Variants in HS6ST3 observed in about 807,000 individuals in gnomAD.
HS6ST3 encodes the protein heparan sulfate 6-O-sulfotransferase 3, also known as heparan-sulfate 6-O-sulfotransferase 3.
In HS6ST3, 12 loss-of-function variants were observed where a neutral mutation model predicts 36.7. The observed-to-expected ratio is 0.33, with a 90% CI of 0.21 to 0.53. HS6ST3 has a LOEUF of 0.53. Ranked by LOEUF, HS6ST3 falls within the 20% of genes least tolerant of loss-of-function variation. The pLI, the probability that HS6ST3 is intolerant of heterozygous loss-of-function variation, is 0.95. For synonymous variants in HS6ST3, 240 were observed against 257.5 expected, an observed-to-expected ratio of 0.93 and a Z score of 0.65; for missense variants, 584 against 640.9, an observed-to-expected ratio of 0.91 and a Z score of 0.96.
chr13:96,702,116 G>A (rs80128117), intron 1 of HS6ST3, among the ~76,000 whole-genome samples: 3,735 of 152,312 alleles, frequency 0.025, 58 homozygotes, highest in Middle Eastern at 0.041. Flanking sequence ...AAGATGGACC[G>A]TATCGATGGA....
rs867506515 is a variant in HS6ST3, at chr13:96,330,057, A to G, written c.707+238488A>G. Among the ~76,000 whole-genome samples, 20 of 147,104 alleles carry G rather than the reference A, an allele frequency of 1.4e-4. 1 individual carries two copies. The highest frequency in any genetic ancestry group is 1.1e-3 in the South Asian group (5 of 4,434). ...TTGGTAGATCTTCCACCATCCTTTT[A>G]TTTTGAGCCTATGTGTGTCTCTGCA... On this transcript the variant is annotated intron_variant, in intron 1 of 1. Coordinates refer to ENST00000376705, the MANE Select transcript of HS6ST3 (RefSeq NM_153456.4).
At chr13:96,512,001 G>A (rs936341621) in intron 1 of HS6ST3, among the ~76,000 whole-genome samples, 2 of 151,994 alleles carry the variant, frequency 1.3e-5, no homozygotes, top group African/African-American at 2.4e-5. Flanking sequence ...CAACTTTATC[G>A]TATATGTATG....
At chr13:96,265,183 CT>C (rs111305152) in intron 1 of HS6ST3, among the ~76,000 whole-genome samples, 7 of 149,648 alleles carry the variant, frequency 4.7e-5, no homozygotes, top group Admixed American at 6.7e-5. Flanking sequence ...TATGCACACA[CT>C]TTTTTTTTTC....
At chr13:96,738,224 G>A (rs747813156) in intron 1 of HS6ST3, among the ~76,000 whole-genome samples, 1 of 152,152 alleles carries the variant, frequency 6.6e-6, no homozygotes, top group Non-Finnish European at 1.5e-5. Flanking sequence ...CGTTACCGAA[G>A]GCTGATGTAA....
At chr13:96,110,625 A>G (rs1041504449) in intron 1 of HS6ST3, among the ~76,000 whole-genome samples, 6 of 151,726 alleles carry the variant, frequency 4.0e-5, no homozygotes, top group Middle Eastern at 3.2e-3. Context: ...TTTAGTAGAG[A>G]TGGGGTTTCA....
intron 1 of HS6ST3, among the ~76,000 whole-genome samples, chr13:96,444,757 G>A (rs913315440): frequency 3.9e-5 from 6 of 152,166 alleles, no homozygotes; most frequent in African/African-American, 1.4e-4. Context: ...TATAAAACAG[G>A]TATTGTTACT....
intron 1 of HS6ST3, among the ~76,000 whole-genome samples, chr13:96,609,762 T>C (rs918729653): frequency 1.3e-5 from 2 of 152,212 alleles, no homozygotes; most frequent in Non-Finnish European, 2.9e-5. Flanking sequence ...TATGAAAAAT[T>C]ACCTGTATTT....
At chr13:96,653,227 T>G (rs976687151) in intron 1 of HS6ST3, among the ~76,000 whole-genome samples, 1 of 152,140 alleles carries the variant, frequency 6.6e-6, no homozygotes, top group Non-Finnish European at 1.5e-5. Context: ...TTTATTTTTA[T>G]ACTTTAAGTT....
At chr13:96,235,425 A>T (rs2054529649) in intron 1 of HS6ST3, among the ~76,000 whole-genome samples, 1 of 152,162 alleles carries the variant, frequency 6.6e-6, no homozygotes, top group Admixed American at 6.5e-5. Context: ...TTTTTTATCA[A>T]AGCGGAATGC....
intron 1 of HS6ST3, among the ~76,000 whole-genome samples, chr13:96,278,985 G>A (rs2054761741): frequency 6.6e-6 from 1 of 152,088 alleles, no homozygotes; most frequent in South Asian, 2.1e-4. Flanking sequence ...CCAACACTGT[G>A]TCAGCCCTCA....
chr13:96,459,188 T>C (rs1566367006), intron 1 of HS6ST3, among the ~76,000 whole-genome samples: 1 of 150,128 alleles, frequency 6.7e-6, no homozygotes, highest in Non-Finnish European at 1.5e-5. Flanking sequence ...GGAGAGGCAC[T>C]GGGATGTGGT....
chr13:96,668,907 A>G (rs1050000877), intron 1 of HS6ST3, among the ~76,000 whole-genome samples: 2 of 151,876 alleles, frequency 1.3e-5, no homozygotes, highest in Non-Finnish European at 2.9e-5. Flanking sequence ...ACCATGTCTC[A>G]AGTATTTAAG....
chr13:96,395,612 G>GC (rs1247500917), intron 1 of HS6ST3, among the ~76,000 whole-genome samples: 8 of 152,170 alleles, frequency 5.3e-5, no homozygotes, highest in African/African-American at 1.9e-4. Context: ...CTCCTCCCCA[G>GC]TGTCCCTGTT....
intron 1 of HS6ST3, among the ~76,000 whole-genome samples, chr13:96,591,814 A>T (rs920738075): frequency 6.6e-6 from 1 of 152,016 alleles, no homozygotes; most frequent in Non-Finnish European, 1.5e-5. Flanking sequence ...CCCATTCAGT[A>T]TGATGCCAGC....
chr13:96,371,628 C>G (rs1352044144), intron 1 of HS6ST3, among the ~76,000 whole-genome samples: 2 of 152,174 alleles, frequency 1.3e-5, no homozygotes, highest in Non-Finnish European at 2.9e-5. Flanking sequence ...ATTTCCCCCA[C>G]TCCCAGACCC....
intron 1 of HS6ST3, among the ~76,000 whole-genome samples, chr13:96,118,647 T>TAG (rs2053905434): frequency 3.5e-4 from 1 of 2,848 alleles, no homozygotes; most frequent in Non-Finnish European, 7.6e-4. Flanking sequence ...ACATTAAAGA[T>TAG]ATATATATAT....
At chr13:96,312,951 C>CAAA (rs754098470) in intron 1 of HS6ST3, among the ~76,000 whole-genome samples, 899 of 81,208 alleles carry the variant, frequency 0.011, 38 homozygotes, top group African/African-American at 0.033. Context: ...GACCCTGTCT[C>CAAA]AAAAAAAAAA....
At chr13:96,569,964 C>T (rs1054456823) in intron 1 of HS6ST3, among the ~76,000 whole-genome samples, 2 of 152,208 alleles carry the variant, frequency 1.3e-5, no homozygotes, top group African/African-American at 4.8e-5. Flanking sequence ...TCATCAATGC[C>T]TGCTCACCTA....
intron 1 of HS6ST3, among the ~76,000 whole-genome samples, chr13:96,160,454 G>C (rs1455272589): frequency 6.6e-6 from 1 of 152,112 alleles, no homozygotes; most frequent in East Asian, 1.9e-4. Flanking sequence ...CTATAGTAAG[G>C]GTTATTTCCT....
Sources: gnomAD v4.1 joint callset for allele counts (sites outside exome capture counted in the v4.1 genomes callset) on GRCh38, gnomAD v4.1.1 for gene constraint, MANE v1.5 for transcripts, NCBI Gene and HGNC (gene_info 2026-07-23, HGNC 2026-07-21) for gene names.